Variants in KAT2B observed in about 807,000 individuals in gnomAD.
The protein encoded by KAT2B is lysine acetyltransferase 2B, also known as histone acetyltransferase KAT2B.
KAT2B carries 36 observed loss-of-function variants against 105.9 expected under a neutral mutation model. The ratio of observed to expected loss-of-function variants is 0.34; its 90% CI spans 0.26 to 0.45. The LOEUF (loss-of-function observed/expected upper bound fraction) is 0.45, where lower values mean the gene tolerates loss of function less well. Among genes scored for constraint, KAT2B ranks in the 20% least tolerant of loss-of-function variants. The pLI, the probability that KAT2B is intolerant of heterozygous loss-of-function variation, is 1.00. For missense variants in KAT2B, 820 were observed against 1,021.6 expected, an observed-to-expected ratio of 0.80 and a Z score of 2.69; for synonymous variants, 397 against 377.9, an observed-to-expected ratio of 1.05 and a Z score of -0.59.
intron 1 of KAT2B, among the ~76,000 whole-genome samples, chr3:20,068,620 C>T (rs1698265861): frequency 6.6e-6 from 1 of 151,952 alleles, no homozygotes; most frequent in African/African-American, 2.4e-5. Context: ...TTCCCCATCC[C>T]CGGCTACCCC....
At position 20,072,314 on chromosome 3, in the gene KAT2B, T is replaced by C; in HGVS notation, c.304-19T>C. ...CTGCCTGTTAAATAATTTTGTCTCT[T>C]TCTTTATTCCATTTTTAGGCCGAGG... On this transcript the variant is annotated intron_variant, in intron 1 of 17. Coordinates refer to ENST00000263754, the MANE Select transcript of KAT2B (RefSeq NM_003884.5). 6.2e-7 allele frequency: 1 copy of C among 1,612,552 alleles called. No homozygotes were observed. Among genetic ancestry groups the C allele is most frequent in the Non-Finnish European group, 8.5e-7 (1 of 1,178,628 alleles).
chr3:20,120,625 G>A (rs941602815), intron 8 of KAT2B, among the ~76,000 whole-genome samples: 1 of 152,082 alleles, frequency 6.6e-6, no homozygotes, highest in Admixed American at 6.6e-5. Flanking sequence ...CCTTTCGTAG[G>A]AATAACTGCA....
chr3:20,060,242 A>T (rs193142083), intron 1 of KAT2B, among the ~76,000 whole-genome samples: 196 of 152,312 alleles, frequency 1.3e-3, no homozygotes, highest in African/African-American at 4.3e-3. Context: ...TTGGGTAGAT[A>T]CTTAGTGGAT....
At chr3:20,151,393 G>A (rs1465167719) in intron 17 of KAT2B, among the ~76,000 whole-genome samples, 1 of 151,752 alleles carries the variant, frequency 6.6e-6, no homozygotes, top group African/African-American at 2.4e-5. Flanking sequence ...TTTCCCCCTG[G>A]AAATTTTATA....
intron 8 of KAT2B, among the ~76,000 whole-genome samples, chr3:20,120,357 A>C (rs1699286271): frequency 6.6e-6 from 1 of 152,044 alleles, no homozygotes; most frequent in African/African-American, 2.4e-5. Flanking sequence ...TCTCCTGAGT[A>C]GCTGGGATTA....
At chr3:20,086,528 G>A in intron 2 of KAT2B, among the ~76,000 whole-genome samples, 1 of 151,990 alleles carries the variant, frequency 6.6e-6, no homozygotes, top group East Asian at 1.9e-4. Context: ...TTAAGCTCAG[G>A]AGGTCAAGGC....
At chr3:20,082,036 TAAG>T (rs1698530074) in intron 2 of KAT2B, among the ~76,000 whole-genome samples, 2 of 151,816 alleles carry the variant, frequency 1.3e-5, no homozygotes, top group African/African-American at 2.4e-5. Flanking sequence ...TTCCTAATAA[TAAG>T]GTTTTCTTTT....
At chr3:20,073,991 G>A (rs934517987) in intron 2 of KAT2B, among the ~76,000 whole-genome samples, 3 of 152,162 alleles carry the variant, frequency 2.0e-5, no homozygotes, top group Admixed American at 6.6e-5. Context: ...GGCAGAGACA[G>A]TGCTTCACAA....
At chr3:20,148,108 G>T in intron 15 of KAT2B, 109 bp downstream of exon 15, 2 of 1,382,056 alleles carry the variant, frequency 1.4e-6, no homozygotes, top group East Asian at 4.7e-5. Flanking sequence ...ACAACAGTTG[G>T]TGGGTTTTGA....
In KAT2B at chr3:20,046,782, C is replaced by T. The variant is rs566915517; in HGVS notation, c.303+6002C>T. ...AGAGCAAATTGTCTTTTTCATTTGT[C>T]AGCATTTAGAGCAGTGGCTCTCACC... On this transcript the variant is annotated intron_variant, in intron 1 of 17. Coordinates refer to ENST00000263754, the MANE Select transcript of KAT2B (RefSeq NM_003884.5). Among the ~76,000 whole-genome samples the T allele has an allele frequency of 2.0e-5, 3 of 152,194 alleles. No individual in the cohort carries two copies. The South Asian group carries it at 6.2e-4, about 32-fold the overall frequency.
intron 5 of KAT2B, among the ~76,000 whole-genome samples, chr3:20,106,772 A>G (rs1390571457): frequency 6.6e-6 from 1 of 151,248 alleles, no homozygotes; most frequent in Non-Finnish European, 1.5e-5. Flanking sequence ...ATCAGAAATA[A>G]TGTCAGTCTT....
Position 20,090,026 on chromosome 3 carries a change from A to T in KAT2B, c.431-5237A>T, listed in dbSNP as rs369655034. Among the ~76,000 whole-genome samples the T allele has an allele frequency of 3.3e-5, 5 of 152,076 alleles. No homozygotes were observed. In the East Asian group the frequency reaches 9.7e-4, roughly 29 times the overall value. On this transcript the variant is annotated intron_variant, in intron 2 of 17. Coordinates refer to ENST00000263754, the MANE Select transcript of KAT2B (RefSeq NM_003884.5). ...AACAAAACAAGAAAAAAAAAAACGA[A>T]TGGTACTGATCTTTGTGTGTTGATT...
In KAT2B at chr3:20,061,798, T is replaced by A. The variant is rs531073974; in HGVS notation, c.304-10535T>A. On this transcript the variant is annotated intron_variant, in intron 1 of 17. Transcript: ENST00000263754. ...AATTTATAATACATAAAATATATTA[T>A]ATATTATATATTATACATAAAGTAT... 2.3e-5 allele frequency among the ~76,000 whole-genome samples: 3 copies of A among 132,776 alleles called. No homozygotes were observed. In the East Asian group the frequency reaches 6.2e-4, roughly 27 times the overall value. The allele number at this position is 132,776 out of a possible 152,430, so 87.1% of individuals were successfully genotyped here.
At chr3:20,145,408 G>A (rs1045632481) in intron 13 of KAT2B, among the ~76,000 whole-genome samples, 138 of 152,126 alleles carry the variant, frequency 9.1e-4, no homozygotes, top group African/African-American at 3.3e-3. Flanking sequence ...TCATGCTGCA[G>A]TATTTACCAG....
chr3:20,062,254 A>AATATATATAAAATATATAATATATAAAAT (rs368794227), intron 1 of KAT2B, among the ~76,000 whole-genome samples: 6 of 61,442 alleles, frequency 9.8e-5, no homozygotes, highest in Non-Finnish European at 1.6e-4. Flanking sequence ...TAATATATAA[A>AATATATATAAAATATATAATATATAAAAT]ATATGATATA....
intron 1 of KAT2B, among the ~76,000 whole-genome samples, chr3:20,059,675 A>G (rs1469085832): frequency 6.6e-6 from 1 of 152,208 alleles, no homozygotes; most frequent in Non-Finnish European, 1.5e-5. Context: ...ACTGCATTCC[A>G]GCCTGGGCGA....
intron 1 of KAT2B, among the ~76,000 whole-genome samples, chr3:20,060,951 C>T (rs1187778309): frequency 6.6e-6 from 1 of 151,926 alleles, no homozygotes; most frequent in East Asian, 1.9e-4. Flanking sequence ...AAAACAACAA[C>T]AACAACAACA....
Position 20,127,560 on chromosome 3 carries a change from A to G in KAT2B, c.1749+11A>G, listed in dbSNP as rs200142541. On this transcript the variant is annotated intron_variant, in intron 11 of 17. Transcript: ENST00000263754. ...AATGAGCAAGTCAAGGTAAGGGTAA[A>G]CCCAAGGTCTTAGAAGAAGAGCAGA... 2 of 1,612,742 alleles carry G rather than the reference A, an allele frequency of 1.2e-6. No individual in the cohort carries two copies. Among genetic ancestry groups the G allele is most frequent in the East Asian group, 2.2e-5 (1 of 44,838 alleles).
chr3:20,101,218 G>A, intron 4 of KAT2B, 69 bp from the exon 5 acceptor site: 1 of 1,248,744 alleles, frequency 8.0e-7, no homozygotes, highest in Non-Finnish European at 1.2e-6. Context: ...AATCATGCTG[G>A]CTGTGTGGGT....
Sources: allele counts gnomAD v4.1 joint callset (sites outside exome capture counted in the v4.1 genomes callset), GRCh38; gene constraint gnomAD v4.1.1; transcripts MANE v1.5; gene names NCBI Gene and HGNC (gene_info 2026-07-23, HGNC 2026-07-21).